The following RPF1 variants were observed in gnomAD, a reference collection of about 807,000 sequenced individuals.
The protein encoded by RPF1 is ribosome production factor 1 homolog.
Under a neutral mutation model 41.9 loss-of-function variants are expected in RPF1, and 34 were observed. The observed-to-expected ratio is 0.81, with a 90% confidence interval of 0.62 to 1.08. RPF1 has a LOEUF of 1.08. Among genes scored for constraint, RPF1 ranks in the 50% least tolerant of loss-of-function variants. RPF1 has a pLI of 0.00. For missense variants in RPF1, 425 were observed against 435.2 expected, an observed-to-expected ratio of 0.98 and a Z score of 0.21; for synonymous variants, 140 against 148.9, an observed-to-expected ratio of 0.94 and a Z score of 0.43.
At chr1:84,484,315 C>T (rs1681702464) in intron 3 of RPF1, among the ~76,000 whole-genome samples, 1 of 151,956 alleles carries the variant, frequency 6.6e-6, no homozygotes, top group African/African-American at 2.4e-5. Context: ...CTATATATCT[C>T]ATTTTGTTTT....
chr1:84,495,765 C>T, intron 6 of RPF1, 117 bp from the exon 7 acceptor site: 1 of 631,596 alleles, frequency 1.6e-6, no homozygotes, highest in African/African-American at 1.9e-5. Context: ...GGTAGTTTGT[C>T]ACTAAAAAAT....
At chr1:84,485,479 A>G (rs1390981611) in intron 3 of RPF1, among the ~76,000 whole-genome samples, 1 of 152,200 alleles carries the variant, frequency 6.6e-6, no homozygotes. Flanking sequence ...ACATGAGGTG[A>G]GGTGTGGAAT....
chr1:84,482,761 A>G (rs1248876072), intron 2 of RPF1, among the ~76,000 whole-genome samples, 154 bp from the exon 3 acceptor site: 1 of 151,610 alleles, frequency 6.6e-6, no homozygotes, highest in African/African-American at 2.4e-5. Flanking sequence ...CTCTTATTCA[A>G]TATTGTTATT....
Position 84,490,373 on chromosome 1 carries a change from T to C in RPF1, c.517T>C (p.Tyr173His). ...LSTVIPNSHV[Y>H]YRRGLALKKI... ...CACAGTTATACCAAACTCACATGTT[T>C]ATTACAGAAGAGGACTGGCTCTGAA... Residue 173 changes from tyrosine to histidine, a missense_variant, in exon 5 of 9, where the codon TAT becomes CAT. Tyr to His is a moderately conservative substitution (Grantham distance 83). Transcript: ENST00000370654. 1 of 1,612,202 alleles carries C rather than the reference T, an allele frequency of 6.2e-7. No individual in the cohort carries two copies. Among genetic ancestry groups the C allele is most frequent in the Non-Finnish European group, 8.5e-7 (1 of 1,179,062 alleles).
At chr1:84,484,583 T>A (rs1681706707) in intron 3 of RPF1, among the ~76,000 whole-genome samples, 1 of 152,166 alleles carries the variant, frequency 6.6e-6, no homozygotes, top group Non-Finnish European at 1.5e-5. Context: ...TACCTTAATA[T>A]GAGTTCGCCT....
In RPF1 at chr1:84,493,600, CAAAAG is replaced by C. The variant is rs1471655973; in HGVS notation, c.617-1768_617-1764del. Among the ~76,000 whole-genome samples, 3 of 146,020 alleles carry C rather than the reference CAAAAG, an allele frequency of 2.1e-5. No individual in the cohort carries two copies. In the East Asian group the frequency reaches 5.9e-4, roughly 29 times the overall value. On this transcript the variant is annotated intron_variant, in intron 5 of 8. Transcript: ENST00000370654. ...GTGAGACCGTCTCAAAAAAAAAAAACAAAAGAAAAAAATTCCCATCCCTACCTAAG... is the reference window on the plus strand; with the variant it reads ...GTGAGACCGTCTCAAAAAAAAAAAACAAAAAAATTCCCATCCCTACCTAAG...
rs1434210008 is a variant in RPF1, at chr1:84,498,219, G to C, written c.*749G>C. ...AGTCTTGCCAGATGTATGGCATAAA[G>C]TCATGTGAGAAGAGTAGGTGGAAAA... On this transcript the variant is annotated 3_prime_UTR_variant, in exon 9 of 9. Transcript: ENST00000370654. The C allele has an allele frequency of 6.6e-6, 1 of 152,514 alleles. No individual in the cohort carries two copies. The highest frequency in any genetic ancestry group is 1.5e-5 in the Non-Finnish European group (1 of 68,032). The allele number at this position is 152,514 out of a possible 1,614,324, so 9.4% of individuals were successfully genotyped here. A position where few individuals can be genotyped will look rare whatever the true frequency, so the allele number is the denominator to read the frequency against.
chr1:84,481,003 T>A lies in RPF1; in HGVS notation c.276T>A (p.Leu92=), dbSNP rs1399492094. The A allele has an allele frequency of 4.4e-6, 7 of 1,588,230 alleles. No homozygotes were observed. The Admixed American group carries it at 1.2e-4, about 27-fold the overall frequency. ...AACTTAAAAAAGAAAGAGAGGCTCT[T>A]GGCGATAAGGTAAATAAAATTTTTA... ...KKKLKKEREA[L]GDKAPPKPVP... Residue 92 remains leucine (L), a synonymous_variant, in exon 2 of 9, where the codon CTT becomes CTA. Transcript: ENST00000370654.
At chr1:84,485,141 G>T (rs964992252) in intron 3 of RPF1, among the ~76,000 whole-genome samples, 2 of 152,250 alleles carry the variant, frequency 1.3e-5, no homozygotes, top group South Asian at 2.1e-4. Flanking sequence ...GTCTCGCTCT[G>T]TTGCCCAGGC....
intron 7 of RPF1, 83 bp from the exon 8 acceptor site, chr1:84,496,161 A>G (rs1317371002): frequency 7.4e-6 from 11 of 1,477,456 alleles, no homozygotes; most frequent in Admixed American, 5.9e-5. Flanking sequence ...ATCATACAAG[A>G]TAAAATGAAT....
intron 3 of RPF1, among the ~76,000 whole-genome samples, chr1:84,488,339 G>A (rs1223876627): frequency 6.6e-6 from 1 of 151,984 alleles, no homozygotes; most frequent in Non-Finnish European, 1.5e-5. Context: ...GCTATTCCTG[G>A]ATATCTTACA....
chr1:84,484,571 T>C (rs1681706601), intron 3 of RPF1, among the ~76,000 whole-genome samples: 1 of 152,206 alleles, frequency 6.6e-6, no homozygotes. Context: ...TTCTATAGAA[T>C]GTACCTTAAT....
At chr1:84,480,150 T>C (rs984924127) in intron 1 of RPF1, among the ~76,000 whole-genome samples, 2 of 152,212 alleles carry the variant, frequency 1.3e-5, no homozygotes, top group African/African-American at 2.4e-5. Context: ...TATTATTATG[T>C]GTCTGCCTCC....
intron 5 of RPF1, among the ~76,000 whole-genome samples, chr1:84,494,698 G>A (rs753024837): frequency 4.6e-5 from 7 of 152,218 alleles, no homozygotes; most frequent in Non-Finnish European, 1.0e-4. Flanking sequence ...AGTCCTGCTG[G>A]TTGTAGGTAG....
In RPF1 at chr1:84,479,576, C is replaced by T. The variant is rs988525592; in HGVS notation, c.228+67C>T. 241 of 1,458,634 alleles carry T rather than the reference C, an allele frequency of 1.7e-4. 2 individuals are homozygous for T. In the South Asian group the frequency reaches 2.8e-3, roughly 17 times the overall value. 90.4% of individuals were successfully genotyped at this position (1,458,634 alleles called of 1,614,324 possible). On this transcript the variant is annotated intron_variant, in intron 1 of 8. Transcript: ENST00000370654. Reference sequence around the variant, plus strand: ...CCTGACGCTTAGGGCGGTCGCGGGGCGCACATCTGTGGTTGTCTGCTGGTC... The same window carrying T: ...CCTGACGCTTAGGGCGGTCGCGGGGTGCACATCTGTGGTTGTCTGCTGGTC...
rs1161279453 is a variant in RPF1, at chr1:84,489,686, T to C, written c.420T>C (p.Thr140=). 6.2e-7 allele frequency: 1 copy of C among 1,609,642 alleles called. No individual in the cohort carries two copies. The highest frequency in any genetic ancestry group is 1.1e-5 in the South Asian group (1 of 90,958). ...DEFASYFNKQ[T]SPKILITTSD... ...TTGCTTCTTACTTCAACAAACAGAC[T>C]TCTCCCAAGATTCTCATCACAACAT... is the stretch of plus-strand genomic sequence containing the variant. Residue 140 remains threonine, a synonymous_variant, in exon 4 of 9, where the codon ACT becomes ACC. Coordinates refer to ENST00000370654, the MANE Select transcript of RPF1 (RefSeq NM_025065.7).
chr1:84,496,964 C>T (rs991175632), intron 8 of RPF1, among the ~76,000 whole-genome samples: 2 of 151,870 alleles, frequency 1.3e-5, no homozygotes, highest in East Asian at 1.9e-4. Flanking sequence ...CTCCACCTCC[C>T]GGGTTCAAGC....
chr1:84,481,258 G>T (rs908011456), intron 2 of RPF1, among the ~76,000 whole-genome samples: 3 of 152,174 alleles, frequency 2.0e-5, no homozygotes, highest in Non-Finnish European at 4.4e-5. Flanking sequence ...AACCACTCGT[G>T]AAATTTTTGA....
chr1:84,496,546 C>G (rs77565685), intron 8 of RPF1, among the ~76,000 whole-genome samples, 176 bp downstream of exon 8: 5,470 of 148,714 alleles, frequency 0.037, 351 homozygotes, highest in African/African-American at 0.13. Flanking sequence ...CCTGTACATC[C>G]TGCACATATA....
Sources: allele counts gnomAD v4.1 joint callset (sites outside exome capture counted in the v4.1 genomes callset), GRCh38; gene constraint gnomAD v4.1.1; transcripts MANE v1.5; gene names NCBI Gene and HGNC (gene_info 2026-07-23, HGNC 2026-07-21).